The following MBNL3 variants were observed in gnomAD, a reference collection of about 807,000 sequenced individuals.
The protein encoded by MBNL3 is muscleblind like splicing regulator 3.
A neutral mutation model predicts 24.5 loss-of-function variants in MBNL3; 6 were observed. That is an observed-to-expected ratio of 0.25 (90% CI 0.13 to 0.48). MBNL3 has a LOEUF of 0.48. MBNL3 is among the 20% of genes least tolerant of loss of function. The probability of loss-of-function intolerance (pLI) is 0.99; values close to 1 mark genes in which losing one functional copy is unlikely to be tolerated. For synonymous variants in MBNL3, 100 were observed against 101.7 expected (o/e 0.98, Z 0.10); for missense variants, 230 against 293.5 (o/e 0.78, Z 1.58).
At chrX:132,390,291 AC>A (rs1186981164) in intron 5 of MBNL3, among the ~76,000 whole-genome samples, 51 of 75,747 alleles carry the variant, frequency 6.7e-4, no homozygotes, top group African/African-American at 1.7e-3. Flanking sequence ...AAAAAAAAAA[AC>A]CAAAGTCAGG....
At position 132,376,170 on chromosome X, in the gene MBNL3, C is replaced by T. The variant is rs1477948602; in HGVS notation, c.*3496G>A. ...CAAGATCAAAGTGCTTCAGCATGTT[C>T]AAAAACGGATGAAAAAAATTGATGG... On this transcript the variant is annotated 3_prime_UTR_variant, in exon 9 of 9. Coordinates refer to ENST00000370853, the MANE Select transcript of MBNL3 (RefSeq NM_001386889.1). The T allele has an allele frequency of 4.5e-5, 5 of 110,727 alleles. No homozygotes were observed. Among genetic ancestry groups the T allele is most frequent in the Non-Finnish European group, 7.6e-5 (4 of 52,733 alleles). 9.1% of individuals were successfully genotyped at this position (110,727 alleles called of 1,213,427 possible).
intron 2 of MBNL3, among the ~76,000 whole-genome samples, chrX:132,415,744 C>A (rs1943232140): frequency 8.9e-6 from 1 of 111,851 alleles, no homozygotes; most frequent in African/African-American, 3.3e-5. Flanking sequence ...CACACTCCTA[C>A]CCTACTACCA....
In MBNL3 at chrX:132,440,067, T is replaced by C. The variant is rs1161709070; in HGVS notation, c.-456A>G. 7.2e-5 allele frequency among the ~76,000 whole-genome samples: 8 copies of C among 110,833 alleles called. No homozygotes were observed. Among genetic ancestry groups the C allele is most frequent in the Non-Finnish European group, 1.3e-4 (7 of 52,968 alleles). ...TATTTATTAGCTTTAAATAACAAGA[T>C]TGGGAAGGATGTTAGAACCCAAAAA... On this transcript the variant is annotated 5_prime_UTR_variant, in exon 2 of 9. Coordinates refer to ENST00000370853, the MANE Select transcript of MBNL3 (RefSeq NM_001386889.1).
At chrX:132,476,265 T>C (rs371503334) in intron 1 of MBNL3, among the ~76,000 whole-genome samples, 9 of 111,480 alleles carry the variant, frequency 8.1e-5, no homozygotes, top group African/African-American at 2.6e-4. Context: ...TGTGAGTACA[T>C]AGAAGGTGTA....
intron 2 of MBNL3, 115 bp downstream of exon 2, chrX:132,439,320 A>C: frequency 2.2e-6 from 2 of 896,968 alleles, no homozygotes; most frequent in Non-Finnish European, 3.0e-6. Context: ...TTGTTAAAAA[A>C]ACAAAATTTA....
At position 132,379,676 on chromosome X, in the gene MBNL3, A is replaced by G. The variant is rs1934478947; in HGVS notation, c.1055T>C (p.Leu352Pro). The G allele has an allele frequency of 3.4e-6, 4 of 1,183,594 alleles. No individual in the cohort carries two copies. Among genetic ancestry groups the G allele is most frequent in the East Asian group, 6.0e-5 (2 of 33,548 alleles). ...CCATAACTCTGCTGTTCAGAATTTC[A>G]GCTGAAATGGAAAAAAAAAGAAAGA... ...PFAAPTTGNQ[L>P]KF is the part of the protein sequence containing the mutation. Residue 352 changes from leucine to proline, a missense_variant and splice_region_variant, in exon 9 of 9, where the codon CTG (leucine) becomes CCG (proline). Leu to Pro is a moderately conservative substitution (Grantham distance 98, BLOSUM62 -3). Coordinates refer to ENST00000370853, the MANE Select transcript of MBNL3 (RefSeq NM_001386889.1).
At chrX:132,395,948 T>G (rs1417538194) in intron 3 of MBNL3, among the ~76,000 whole-genome samples, 2 of 111,103 alleles carry the variant, frequency 1.8e-5, no homozygotes, top group Non-Finnish European at 3.8e-5. Context: ...CTAGGGCCCA[T>G]AAGCCAAATT....
chrX:132,483,199 C>T (rs774174091), intron 1 of MBNL3, among the ~76,000 whole-genome samples: 1 of 111,923 alleles, frequency 8.9e-6, no homozygotes, highest in Non-Finnish European at 1.9e-5. Context: ...TCAATGTACC[C>T]TTTAACAAAA....
At chrX:132,397,991 C>T (rs1940129772) in intron 3 of MBNL3, among the ~76,000 whole-genome samples, 1 of 110,827 alleles carries the variant, frequency 9.0e-6, no homozygotes, top group South Asian at 3.8e-4. Context: ...ACTAATCGTA[C>T]TTGTTAATGA....
intron 1 of MBNL3, among the ~76,000 whole-genome samples, chrX:132,446,061 C>G (rs1194643045): frequency 1.8e-5 from 2 of 111,545 alleles, no homozygotes; most frequent in African/African-American, 6.5e-5. Flanking sequence ...TTTTCTGTTC[C>G]TGTGTTAGTT....
chrX:132,446,835 T>C (rs1945749787), intron 1 of MBNL3, among the ~76,000 whole-genome samples: 1 of 112,172 alleles, frequency 8.9e-6, no homozygotes. Context: ...TGCCCATGCC[T>C]ATGTCCTGAA....
chrX:132,465,410 T>C (rs1329299258), intron 1 of MBNL3, among the ~76,000 whole-genome samples: 1 of 112,380 alleles, frequency 8.9e-6, no homozygotes, highest in Non-Finnish European at 1.9e-5. Flanking sequence ...CAAGTAACAT[T>C]TATATCTGTA....
chrX:132,460,699 T>A (rs774519665), intron 1 of MBNL3, among the ~76,000 whole-genome samples: 91 of 112,073 alleles, frequency 8.1e-4, no homozygotes, highest in African/African-American at 2.1e-3. Flanking sequence ...CTCAATTTTT[T>A]AAATTATTAT....
intron 1 of MBNL3, among the ~76,000 whole-genome samples, chrX:132,482,929 G>C (rs1379986700): frequency 9.0e-6 from 1 of 111,370 alleles, no homozygotes; most frequent in Non-Finnish European, 1.9e-5. Context: ...CACAGGCATG[G>C]TACCCCAGTC....
chrX:132,391,556 G>A (rs1569418863), intron 4 of MBNL3, among the ~76,000 whole-genome samples: 1 of 112,097 alleles, frequency 8.9e-6, no homozygotes, highest in Non-Finnish European at 1.9e-5. Context: ...AGCTGACTTT[G>A]TAAGGAAAGA....
intron 8 of MBNL3, among the ~76,000 whole-genome samples, chrX:132,379,900 G>C (rs1459249219): frequency 1.8e-5 from 2 of 111,999 alleles, no homozygotes; most frequent in Non-Finnish European, 3.8e-5. Context: ...CTAATGTGGA[G>C]AACTGTCCTA....
chrX:132,473,449 T>C (rs182526116), intron 1 of MBNL3, among the ~76,000 whole-genome samples: 4 of 112,445 alleles, frequency 3.6e-5, no homozygotes, highest in African/African-American at 1.3e-4. Context: ...TAAAGTCCTG[T>C]TGATTTTGTG....
At chrX:132,416,989 T>C (rs1302430396) in intron 2 of MBNL3, among the ~76,000 whole-genome samples, 3 of 111,988 alleles carry the variant, frequency 2.7e-5, no homozygotes, top group African/African-American at 9.7e-5. Context: ...ATCTACCAAG[T>C]ATGTTAAGTT....
intron 8 of MBNL3, among the ~76,000 whole-genome samples, chrX:132,380,296 C>T (rs1269652112): frequency 8.9e-6 from 1 of 112,000 alleles, no homozygotes; most frequent in East Asian, 2.8e-4. Flanking sequence ...GTTACCTTGA[C>T]GTAAAGCAGC....
Sources: allele counts gnomAD v4.1 joint callset (sites outside exome capture counted in the v4.1 genomes callset), GRCh38; gene constraint gnomAD v4.1.1; transcripts MANE v1.5; gene names NCBI Gene and HGNC (gene_info 2026-07-23, HGNC 2026-07-21).